SYT9: variants seen among roughly 807,000 people sequenced by gnomAD.
SYT9 encodes synaptotagmin-9.
A neutral mutation model predicts 48.4 loss-of-function variants in SYT9; 22 were observed. The observed-to-expected ratio is 0.45, with a 90% CI of 0.32 to 0.65. SYT9 has a LOEUF of 0.65. Ranked by LOEUF, SYT9 falls within the 30% of genes least tolerant of loss-of-function variation. SYT9 has a pLI of 0.03. For synonymous variants in SYT9, 265 were observed against 245.0 expected (o/e 1.08, Z -0.76); for missense variants, 577 against 622.0 (o/e 0.93, Z 0.77).
At chr11:7,307,189 A>T (rs932719062) in intron 2 of SYT9, among the ~76,000 whole-genome samples, 17 of 152,230 alleles carry the variant, frequency 1.1e-4, no homozygotes, top group African/African-American at 4.1e-4. Context: ...AGAGGAAGAT[A>T]ACCATCACAC....
intron 3 of SYT9, among the ~76,000 whole-genome samples, chr11:7,317,021 T>G (rs181077513): frequency 1.3e-5 from 2 of 152,334 alleles, no homozygotes; most frequent in African/African-American, 4.8e-5. Flanking sequence ...GTTGGTTATG[T>G]GTTTTACAAA....
At chr11:7,239,766 G>A (rs946488161) in intron 1 of SYT9, among the ~76,000 whole-genome samples, 2 of 152,166 alleles carry the variant, frequency 1.3e-5, no homozygotes, top group African/African-American at 2.4e-5. Context: ...ATTGGATTAG[G>A]AGGGAGAAGG....
intron 1 of SYT9, among the ~76,000 whole-genome samples, chr11:7,280,501 A>C (rs369276531): frequency 8.5e-5 from 13 of 152,254 alleles, no homozygotes; most frequent in African/African-American, 3.1e-4. Flanking sequence ...GACAAGACAC[A>C]CTTTTCATCT....
At chr11:7,290,360 G>C (rs1342393156) in intron 1 of SYT9, among the ~76,000 whole-genome samples, 1 of 152,182 alleles carries the variant, frequency 6.6e-6, no homozygotes, top group Non-Finnish European at 1.5e-5. Flanking sequence ...TCCAGCCCCA[G>C]TTATATAATA....
At chr11:7,458,206 T>C (rs72846899) in intron 6 of SYT9, among the ~76,000 whole-genome samples, 47,487 of 152,068 alleles carry the variant, frequency 0.31, 8,936 homozygotes, top group African/African-American at 0.52. Flanking sequence ...TAGGGCCGGG[T>C]GCGGTGGCGC....
At chr11:7,267,317 G>A (rs1230250905) in intron 1 of SYT9, among the ~76,000 whole-genome samples, 4 of 151,872 alleles carry the variant, frequency 2.6e-5, no homozygotes, top group Admixed American at 6.6e-5. Context: ...TCATGTTCAC[G>A]AAACATTTAA....
At chr11:7,259,542 A>G (rs1564838977) in intron 1 of SYT9, among the ~76,000 whole-genome samples, 1 of 152,180 alleles carries the variant, frequency 6.6e-6, no homozygotes, top group Non-Finnish European at 1.5e-5. Flanking sequence ...ATCCGCTAGC[A>G]TTAGGTGTAT....
At chr11:7,287,694 A>G (rs1040906341) in intron 1 of SYT9, among the ~76,000 whole-genome samples, 2 of 152,174 alleles carry the variant, frequency 1.3e-5, no homozygotes, top group African/African-American at 2.4e-5. Context: ...TAACCTGGCT[A>G]TTGCGTCTTC....
intron 3 of SYT9, among the ~76,000 whole-genome samples, chr11:7,413,851 G>A: frequency 6.6e-6 from 1 of 151,478 alleles, no homozygotes; most frequent in East Asian, 1.9e-4. Flanking sequence ...TCCTGCCTTA[G>A]CCTCCAGAGT....
chr11:7,292,243 A>G (rs1195207868), intron 1 of SYT9, among the ~76,000 whole-genome samples: 1 of 152,216 alleles, frequency 6.6e-6, no homozygotes, highest in African/African-American at 2.4e-5. Context: ...TGATCAAAGC[A>G]AGACAAGATC....
chr11:7,386,227 A>C lies in SYT9; in HGVS notation c.1045-29815A>C, dbSNP rs536821805. Among the ~76,000 whole-genome samples the C allele has an allele frequency of 2.6e-5, 4 of 152,292 alleles. No individual in the cohort carries two copies. In the East Asian group the frequency reaches 7.7e-4, roughly 29 times the overall value. ...AAACCTAGGCAATGCCATTCAGTACATAGGCATGGGCAGGGACTTCATGTC... is the reference window on the plus strand; with the variant it reads ...AAACCTAGGCAATGCCATTCAGTACCTAGGCATGGGCAGGGACTTCATGTC... On this transcript the variant is annotated intron_variant, in intron 3 of 6. Coordinates refer to ENST00000318881, the MANE Select transcript of SYT9 (RefSeq NM_175733.4).
chr11:7,300,721 C>A (rs940573575), intron 1 of SYT9, among the ~76,000 whole-genome samples: 3 of 152,140 alleles, frequency 2.0e-5, no homozygotes, highest in Non-Finnish European at 2.9e-5. Context: ...TTGGAGAGGG[C>A]GGGGATTGAT....
chr11:7,441,655 T>C (rs185132330), intron 6 of SYT9: 45 of 152,272 alleles, frequency 3.0e-4, no homozygotes, highest in Admixed American at 2.9e-3. Context: ...GCAAGATGGA[T>C]GCAGGTCTAG....
chr11:7,299,860 CTAGT>C (rs917230581), intron 1 of SYT9, among the ~76,000 whole-genome samples: 1 of 152,128 alleles, frequency 6.6e-6, no homozygotes, highest in African/African-American at 2.4e-5. Context: ...CCTATGGTTA[CTAGT>C]TAAAGTGAGG....
At chr11:7,348,207 C>T (rs1849838299) in intron 3 of SYT9, among the ~76,000 whole-genome samples, 1 of 152,170 alleles carries the variant, frequency 6.6e-6, no homozygotes, top group Non-Finnish European at 1.5e-5. Flanking sequence ...ATATACAACT[C>T]CAGGAAGCCA....
At chr11:7,395,957 G>T (rs920071408) in intron 3 of SYT9, among the ~76,000 whole-genome samples, 3 of 152,064 alleles carry the variant, frequency 2.0e-5, no homozygotes, top group African/African-American at 7.2e-5. Flanking sequence ...ATGTGTTTTT[G>T]TGGTAACAGA....
intron 3 of SYT9, among the ~76,000 whole-genome samples, chr11:7,386,701 G>C (rs551977181): frequency 1.3e-5 from 2 of 152,248 alleles, no homozygotes; most frequent in African/African-American, 2.4e-5. Context: ...CTGTTGGTGG[G>C]ACTGTAAACT....
chr11:7,251,785 G>C (rs190070787), upstream of SYT9, among the ~76,000 whole-genome samples: 759 of 152,246 alleles, frequency 5.0e-3, 2 homozygotes, highest in African/African-American at 0.017. Flanking sequence ...GCCAGGAGCC[G>C]GGGAGTACCC....
At chr11:7,427,695 T>C (rs1847489558) in intron 6 of SYT9, 1 of 152,236 alleles carries the variant, frequency 6.6e-6, no homozygotes, top group Admixed American at 6.5e-5. Flanking sequence ...GAATGGGGTA[T>C]TTTTTGACAA....
Sources: gnomAD v4.1 joint callset for allele counts (sites outside exome capture counted in the v4.1 genomes callset) on GRCh38, gnomAD v4.1.1 for gene constraint, MANE v1.5 for transcripts, NCBI Gene and HGNC (gene_info 2026-07-23, HGNC 2026-07-21) for gene names.